IL12RB2: variants seen among roughly 807,000 people sequenced by gnomAD.
IL12RB2 encodes interleukin 12 receptor subunit beta 2, also known as interleukin-12 receptor subunit beta-2.
In IL12RB2, 82 loss-of-function variants were observed where a neutral mutation model predicts 89.4. The observed-to-expected ratio is 0.92, with a 90% CI of 0.77 to 1.10. The LOEUF (loss-of-function observed/expected upper bound fraction) is 1.10. Ranked by LOEUF, IL12RB2 falls within the 50% of genes least tolerant of loss-of-function variation. The probability of loss-of-function intolerance (pLI) is 0.00; values close to 1 mark genes in which losing one functional copy is unlikely to be tolerated. For missense variants in IL12RB2, 963 were observed against 1,031.9 expected (o/e 0.93, Z 0.92); for synonymous variants, 368 against 370.1 (o/e 0.99, Z 0.07).
chr1:67,319,550 C>T (rs1466733958), intron 2 of IL12RB2, among the ~76,000 whole-genome samples: 1 of 152,180 alleles, frequency 6.6e-6, no homozygotes, highest in African/African-American at 2.4e-5. Flanking sequence ...TCCAGAATCA[C>T]TTGACTGGAT....
chr1:67,357,271 A>G (rs1661504660), intron 10 of IL12RB2, among the ~76,000 whole-genome samples: 1 of 152,182 alleles, frequency 6.6e-6, no homozygotes, highest in South Asian at 2.1e-4. Context: ...CCAGCTACTC[A>G]GGAGGCTGAG....
chr1:67,377,216 T>A (rs4655541), intron 13 of IL12RB2, among the ~76,000 whole-genome samples: 100,556 of 152,010 alleles, frequency 0.66, 33,881 homozygotes, highest in South Asian at 0.73. Flanking sequence ...GGCAGATTCT[T>A]TGCTTTTGTA....
At chr1:67,328,167 A>G (rs757866452) in intron 5 of IL12RB2, 33 bp from the exon 6 acceptor site, 2 of 1,401,374 alleles carry the variant, frequency 1.4e-6, no homozygotes, top group Non-Finnish European at 2.0e-6. Flanking sequence ...CACATAAAAC[A>G]TGTTGCTACA....
At chr1:67,375,310 C>T (rs1303089542) in intron 13 of IL12RB2, among the ~76,000 whole-genome samples, 5 of 152,130 alleles carry the variant, frequency 3.3e-5, no homozygotes, top group Non-Finnish European at 7.4e-5. Flanking sequence ...GTGTGAGGAT[C>T]ACTGAGCCCA....
At chr1:67,345,031 C>T (rs1412388911) in intron 9 of IL12RB2, among the ~76,000 whole-genome samples, 1 of 152,016 alleles carries the variant, frequency 6.6e-6, no homozygotes, top group Non-Finnish European at 1.5e-5. Flanking sequence ...GTTAGCCAGG[C>T]ATGGTGGCAT....
In IL12RB2 at chr1:67,340,173, C is replaced by G. The variant is rs142559833; in HGVS notation, c.1038+1470C>G. Among the ~76,000 whole-genome samples, 554 of 152,288 alleles carry G rather than the reference C, an allele frequency of 3.6e-3. 2 individuals carry two copies. Among genetic ancestry groups the G allele is most frequent in the African/African-American group, 0.013 (531 of 41,562 alleles). On this transcript the variant is annotated intron_variant, in intron 9 of 16. Transcript: ENST00000674203. ...TCTCTCTCACACACACATAAAACGT[C>G]TGGTATAAGAAGAGACTACTATAAA...
intron 1 of IL12RB2, among the ~76,000 whole-genome samples, chr1:67,311,600 T>G (rs1173734787): frequency 6.6e-6 from 1 of 152,210 alleles, no homozygotes; most frequent in African/African-American, 2.4e-5. Context: ...TACAAAAGAT[T>G]GTTAAAATTA....
At chr1:67,389,440 T>C (rs1176822520) in intron 15 of IL12RB2, among the ~76,000 whole-genome samples, 2 of 152,204 alleles carry the variant, frequency 1.3e-5, no homozygotes, top group Non-Finnish European at 2.9e-5. Context: ...TTATAAGAAA[T>C]GTTTTTAGGA....
chr1:67,344,208 A>G (rs1340887060), intron 9 of IL12RB2, among the ~76,000 whole-genome samples: 1 of 152,270 alleles, frequency 6.6e-6, no homozygotes, highest in Non-Finnish European at 1.5e-5. Context: ...TAAGCAAGCC[A>G]CAAATGGGAG....
chr1:67,367,933 T>C lies in IL12RB2; in HGVS notation c.1367T>C (p.Val456Ala). ...KDPSAVQEYV[V>A]EWRELHPGGD... ...CCCTCTGCTGTTCAGGAGTACGTGG[T>C]GGAATGGAGAGAGCTCCATCCAGGG... The change falls in exon 11 of 17, where the codon GTG becomes GCG. Residue 456 changes from valine to alanine, a missense_variant. Val to Ala is a moderately conservative substitution (Grantham distance 64). Coordinates refer to ENST00000674203, the MANE Select transcript of IL12RB2 (RefSeq NM_001374259.2). 6.2e-7 allele frequency: 1 copy of C among 1,605,878 alleles called. No homozygotes were observed. Among genetic ancestry groups the C allele is most frequent in the Non-Finnish European group, 8.5e-7 (1 of 1,172,392 alleles).
intron 10 of IL12RB2, 51 bp downstream of exon 10, chr1:67,351,140 C>T (rs781048143): frequency 6.3e-7 from 1 of 1,597,486 alleles, no homozygotes; most frequent in South Asian, 1.1e-5. Context: ...GTGTCTTACT[C>T]ATCTCTTATC....
At position 67,395,732 on chromosome 1, in the gene IL12RB2, G is replaced by C; in HGVS notation, c.2232G>C (p.Met744Ile). Residue 744 changes from methionine (M) to isoleucine (I), a missense_variant, in exon 17 of 17, where the codon ATG (methionine) becomes ATC (isoleucine). Transcript: ENST00000674203. ...QGHQASEKDM[M>I]HSASSPPPPR... is the part of the protein sequence containing the mutation. Reference sequence around the variant, plus strand: ...ATCAGGCCTCTGAGAAAGACATGATGCACAGTGCCTCAAGCCCACCACCTC... The same window carrying C: ...ATCAGGCCTCTGAGAAAGACATGATCCACAGTGCCTCAAGCCCACCACCTC... The C allele has an allele frequency of 6.2e-7, 1 of 1,614,100 alleles. No homozygotes were observed. The highest frequency in any genetic ancestry group is 8.5e-7 in the Non-Finnish European group (1 of 1,179,948).
rs934036477 is a variant in IL12RB2, at chr1:67,396,159, C to T, written c.*70C>T. On this transcript the variant is annotated 3_prime_UTR_variant, in exon 17 of 17. Transcript: ENST00000674203. The stretch of plus-strand genomic sequence containing the variant: ...ACAGCCTGCCCCAATTCCCCCAGCC[C>T]CTGCTCCAGCAGCTGTCATCTCTGG... The T allele has an allele frequency of 3.8e-5, 35 of 929,210 alleles. No individual in the cohort carries two copies. The highest frequency in any genetic ancestry group is 5.7e-5 in the Non-Finnish European group (32 of 565,318). 57.6% of individuals were successfully genotyped at this position (929,210 alleles called of 1,614,324 possible). A position where few individuals can be genotyped will look rare whatever the true frequency, so the allele number is the denominator to read the frequency against.
intron 8 of IL12RB2, among the ~76,000 whole-genome samples, chr1:67,331,941 T>TAATC (rs1263151931): frequency 6.6e-6 from 1 of 152,202 alleles, no homozygotes; most frequent in Non-Finnish European, 1.5e-5. Context: ...TTTTGGCATA[T>TAATC]AATCCATTGT....
At chr1:67,336,311 C>A (rs556492246) in intron 8 of IL12RB2, among the ~76,000 whole-genome samples, 1 of 152,240 alleles carries the variant, frequency 6.6e-6, no homozygotes, top group East Asian at 1.9e-4. Context: ...ATCATATGCA[C>A]CCTTGCGTTG....
intron 9 of IL12RB2, among the ~76,000 whole-genome samples, chr1:67,344,588 C>T (rs1022991867): frequency 7.2e-5 from 11 of 152,312 alleles, no homozygotes; most frequent in South Asian, 4.1e-4. Flanking sequence ...CAACGGCTCT[C>T]GGCCTAATAA....
chr1:67,317,839 C>T (rs2100565951), intron 2 of IL12RB2, among the ~76,000 whole-genome samples: 1 of 152,266 alleles, frequency 6.6e-6, no homozygotes, highest in South Asian at 2.1e-4. Context: ...AGTCAATGTT[C>T]CTGCTCTTAT....
chr1:67,311,997 A>G (rs1655124768), intron 1 of IL12RB2, among the ~76,000 whole-genome samples: 1 of 152,240 alleles, frequency 6.6e-6, no homozygotes. Flanking sequence ...GTCCACAAAC[A>G]GAGACTTCCA....
intron 13 of IL12RB2, among the ~76,000 whole-genome samples, chr1:67,377,245 G>A (rs1247760824): frequency 6.6e-6 from 1 of 152,170 alleles, no homozygotes; most frequent in Non-Finnish European, 1.5e-5. Flanking sequence ...GCCTTGTCCA[G>A]TGTAGGCACT....
Sources: allele counts gnomAD v4.1 joint callset (sites outside exome capture counted in the v4.1 genomes callset), GRCh38; gene constraint gnomAD v4.1.1; transcripts MANE v1.5; gene names NCBI Gene and HGNC (gene_info 2026-07-23, HGNC 2026-07-21).